The following KSR2 variants were observed in gnomAD, a reference collection of about 807,000 sequenced individuals.
The protein encoded by KSR2 is kinase suppressor of ras 2.
In KSR2, 25 loss-of-function variants were observed where a neutral mutation model predicts 107.8. That is an observed-to-expected ratio of 0.23 (90% CI 0.17 to 0.32). The LOEUF is 0.32. Among genes scored for constraint, KSR2 ranks in the 10% least tolerant of loss-of-function variants. The pLI is 1.00. For synonymous variants in KSR2, 480 were observed against 507.0 expected (o/e 0.95, Z 0.71); for missense variants, 887 against 1,268.9 (o/e 0.70, Z 4.57).
At chr12:117,772,463 C>T (rs1889527548) in intron 3 of KSR2, among the ~76,000 whole-genome samples, 1 of 145,966 alleles carries the variant, frequency 6.9e-6, no homozygotes, top group South Asian at 2.3e-4. Flanking sequence ...ACATACACAC[C>T]ATTCCCCCAA....
intron 3 of KSR2, among the ~76,000 whole-genome samples, chr12:117,813,714 G>A (rs1166189893): frequency 6.6e-6 from 1 of 152,146 alleles, no homozygotes; most frequent in African/African-American, 2.4e-5. Flanking sequence ...AAACAGTATG[G>A]AAGTTCTTTA....
chr12:117,626,162 A>G (rs185341713), intron 5 of KSR2, among the ~76,000 whole-genome samples: 1 of 152,044 alleles, frequency 6.6e-6, no homozygotes, highest in Non-Finnish European at 1.5e-5. Flanking sequence ...CAGCTCCTAG[A>G]TTCACTGATT....
intron 3 of KSR2, among the ~76,000 whole-genome samples, chr12:117,814,042 C>A (rs7135336): frequency 0.016 from 2,398 of 152,200 alleles, 39 homozygotes; most frequent in South Asian, 0.072. Flanking sequence ...CATGTTCTCA[C>A]TTATAGGTGG....
chr12:117,687,362 ATC>A (rs1166060301), intron 4 of KSR2, among the ~76,000 whole-genome samples: 1 of 152,130 alleles, frequency 6.6e-6, no homozygotes, highest in Non-Finnish European at 1.5e-5. Flanking sequence ...CAAAGTCTGA[ATC>A]TCTTTTTCCA....
chr12:117,955,823 G>C (rs929443733), intron 1 of KSR2, among the ~76,000 whole-genome samples: 3 of 144,964 alleles, frequency 2.1e-5, no homozygotes, highest in African/African-American at 7.6e-5. Flanking sequence ...AGCCACCTTT[G>C]TAATTTAAAA....
chr12:117,578,601 CAA>C (rs66919524), intron 7 of KSR2, among the ~76,000 whole-genome samples: 1 of 103,978 alleles, frequency 9.6e-6, no homozygotes, highest in Admixed American at 1.1e-4. Flanking sequence ...GACTCCATCT[CAA>C]AAAAAAAAAA....
In KSR2 at chr12:117,932,417, A is replaced by C. The variant is rs186214775; in HGVS notation, c.180+35659T>G. 2.6e-3 allele frequency among the ~76,000 whole-genome samples: 398 copies of C among 152,280 alleles called. 2 individuals carry two copies. The highest frequency in any genetic ancestry group is 9.1e-3 in the African/African-American group (379 of 41,570). Reference sequence around the variant, plus strand: ...AATTCACACTTGATCATAACACTACAGTCAAAAATAAGAACAGGCCAGGCA... The same window carrying C: ...AATTCACACTTGATCATAACACTACCGTCAAAAATAAGAACAGGCCAGGCA... On this transcript the variant is annotated intron_variant, in intron 1 of 19. Transcript: ENST00000339824.
chr12:117,808,952 C>A (rs1891101639), intron 3 of KSR2, among the ~76,000 whole-genome samples: 1 of 152,178 alleles, frequency 6.6e-6, no homozygotes, highest in East Asian at 1.9e-4. Flanking sequence ...TCCCCTTCTC[C>A]CCAGTCTACC....
chr12:117,866,413 C>T (rs1893472693), intron 1 of KSR2, among the ~76,000 whole-genome samples: 1 of 152,240 alleles, frequency 6.6e-6, no homozygotes, highest in South Asian at 2.1e-4. Flanking sequence ...AACACAATTT[C>T]ATGACACTTG....
chr12:117,811,725 G>GA (rs1208539425), intron 3 of KSR2, among the ~76,000 whole-genome samples: 2 of 152,208 alleles, frequency 1.3e-5, no homozygotes, highest in Admixed American at 1.3e-4. Context: ...GCTTACTGAG[G>GA]AGGTCAGTGA....
intron 14 of KSR2, among the ~76,000 whole-genome samples, chr12:117,496,954 G>A (rs1246324898): frequency 2.0e-5 from 3 of 151,374 alleles, no homozygotes; most frequent in East Asian, 2.0e-4. Flanking sequence ...GGGTTCAAGC[G>A]ATTCTCCTGC....
chr12:117,947,973 T>A (rs910459454), intron 1 of KSR2, among the ~76,000 whole-genome samples: 2 of 152,096 alleles, frequency 1.3e-5, no homozygotes, highest in African/African-American at 4.8e-5. Context: ...AGAGACAGAT[T>A]TAATGTAGTG....
At chr12:117,739,199 C>CA (rs1315797756) in intron 4 of KSR2, among the ~76,000 whole-genome samples, 9 of 151,930 alleles carry the variant, frequency 5.9e-5, no homozygotes, top group Admixed American at 2.6e-4. Context: ...ACTAAAAATA[C>CA]AAAAAATTAG....
intron 4 of KSR2, among the ~76,000 whole-genome samples, chr12:117,726,051 C>T (rs1026495092): frequency 2.6e-5 from 4 of 152,026 alleles, no homozygotes; most frequent in Admixed American, 2.6e-4. Flanking sequence ...ACCTGTAATC[C>T]CAGCTACTAG....
intron 4 of KSR2, among the ~76,000 whole-genome samples, chr12:117,739,426 A>C (rs1439760846): frequency 1.3e-5 from 2 of 152,234 alleles, no homozygotes; most frequent in Non-Finnish European, 2.9e-5. Context: ...CAGCAACACT[A>C]GGTGAGAGGC....
chr12:117,890,770 C>CA (rs1422019926), intron 1 of KSR2: 1 of 152,152 alleles, frequency 6.6e-6, no homozygotes, highest in African/African-American at 2.4e-5. Flanking sequence ...ATCTCTCTGC[C>CA]ATATCTTGCA....
chr12:117,561,993 T>A (rs1216941065), intron 7 of KSR2, among the ~76,000 whole-genome samples: 1 of 152,084 alleles, frequency 6.6e-6, no homozygotes, highest in Non-Finnish European at 1.5e-5. Context: ...GGAGGGATGA[T>A]AAATGTATAA....
chr12:117,697,341 GTTGATTC>G (rs1886109707), intron 4 of KSR2, among the ~76,000 whole-genome samples: 1 of 152,210 alleles, frequency 6.6e-6, no homozygotes, highest in Non-Finnish European at 1.5e-5. Flanking sequence ...GGCAGAAAAT[GTTGATTC>G]TTGATCAGGG....
chr12:117,484,276 C>G, intron 16 of KSR2, 140 bp downstream of exon 16: 1 of 893,772 alleles, frequency 1.1e-6, no homozygotes. Context: ...CATCCCACAT[C>G]AGTAGAGCAG....
Sources: allele counts gnomAD v4.1 joint callset (sites outside exome capture counted in the v4.1 genomes callset), GRCh38; gene constraint gnomAD v4.1.1; transcripts MANE v1.5; gene names NCBI Gene and HGNC (gene_info 2026-07-23, HGNC 2026-07-21).